Variants in GCDH observed in about 807,000 individuals in gnomAD.
The protein encoded by GCDH is glutaryl-CoA dehydrogenase, mitochondrial.
GCDH carries 31 observed loss-of-function variants against 52.8 expected under a neutral mutation model. The ratio of observed to expected loss-of-function variants is 0.59; its 90% CI spans 0.44 to 0.79. The LOEUF is 0.79. Among genes scored for constraint, GCDH ranks in the 30% least tolerant of loss-of-function variants. The pLI is 0.00. For missense variants in GCDH, 509 were observed against 595.0 expected (o/e 0.86, Z 1.50); for synonymous variants, 242 against 250.0 (o/e 0.97, Z 0.30).
chr19:12,891,339 G>A lies in GCDH; in HGVS notation c.35G>A (p.Ser12Asn), dbSNP rs1351229254. 1 of 1,612,202 alleles carries A rather than the reference G, an allele frequency of 6.2e-7. No individual in the cohort carries two copies. The highest frequency in any genetic ancestry group is 1.1e-5 in the South Asian group (1 of 91,068). Residue 12 changes from serine to asparagine, a missense_variant, in exon 2 of 12, where the codon AGC becomes AAC. Coordinates refer to ENST00000222214, the MANE Select transcript of GCDH (RefSeq NM_000159.4). ...AGAGGCGTCTCCGTGCGGCTGCTGA[G>A]CCGCGGACCCGGCCTGCACGTCCTT... ...ALRGVSVRLL[S>N]RGPGLHVLRT...
chr19:12,892,525 C>T (rs1344233439), intron 5 of GCDH: 6 of 366,224 alleles, frequency 1.6e-5, no homozygotes, highest in Non-Finnish European at 3.1e-5. Context: ...CTCCTGACCT[C>T]AGGTGATCCG....
chr19:12,893,138 C>T (rs945503448), intron 5 of GCDH, among the ~76,000 whole-genome samples: 2 of 152,140 alleles, frequency 1.3e-5, no homozygotes, highest in Non-Finnish European at 1.5e-5. Context: ...CCACCCACCT[C>T]GGCCTCCCAA....
intron 11 of GCDH, chr19:12,898,284 C>T (rs1253103749): frequency 4.2e-6 from 1 of 236,688 alleles, no homozygotes; most frequent in Non-Finnish European, 8.5e-6. Flanking sequence ...GGTGTTTGCA[C>T]CCTGTAACTG....
chr19:12,899,317 A>G, intron 11 of GCDH, 151 bp from the exon 12 acceptor site: 2 of 1,601,126 alleles, frequency 1.2e-6, no homozygotes, highest in Non-Finnish European at 1.7e-6. Flanking sequence ...GACTGTCACT[A>G]AGGCGTGAGT....
rs759415410 is a variant in GCDH, at chr19:12,893,608, G to A, written c.460G>A (p.Ala154Thr). ...QSSLVMHPIY[A>T]YGSEEQRQKY... ...CTCCCTCGTCATGCACCCTATCTAT[G>A]CCTATGGCAGCGAGGAACAGCGGCA... The change falls in exon 6 of 12, where the codon GCC becomes ACC. Residue 154 changes from alanine to threonine, a missense_variant. Coordinates refer to ENST00000222214, the MANE Select transcript of GCDH (RefSeq NM_000159.4). The A allele has an allele frequency of 3.1e-6, 5 of 1,613,998 alleles. No individual in the cohort carries two copies. The African/African-American group carries it at 4.0e-5, about 13-fold the overall frequency.
At chr19:12,897,608 G>C (rs1202722791) in intron 10 of GCDH, 95 bp from the exon 11 acceptor site, 3 of 1,510,432 alleles carry the variant, frequency 2.0e-6, no homozygotes, top group South Asian at 2.3e-5. Context: ...TGGGAGCTTG[G>C]CTGCATCAGG....
intron 6 of GCDH, 133 bp downstream of exon 6, chr19:12,893,786 C>G: frequency 2.4e-6 from 2 of 823,090 alleles, no homozygotes; most frequent in Non-Finnish European, 4.1e-6. Flanking sequence ...GGACCCCCGC[C>G]AGACCCTGGG....
intron 2 of GCDH, 42 bp downstream of exon 2, chr19:12,891,437 C>T: frequency 6.2e-7 from 1 of 1,614,124 alleles, no homozygotes; most frequent in Non-Finnish European, 8.5e-7. Context: ...GAGGGAGGAA[C>T]TGGGGGTTTA....
intron 5 of GCDH, 71 bp from the exon 6 acceptor site, chr19:12,893,412 C>G (rs1393817014): frequency 7.3e-7 from 1 of 1,367,654 alleles, no homozygotes; most frequent in Non-Finnish European, 1.0e-6. Context: ...TTATTCAGCC[C>G]TGTCTCTTGG....
Position 12,899,975 on chromosome 19 carries a change from A to G in GCDH, c.*434A>G, listed in dbSNP as rs985626042. ...ATAAAGACCTGCACATCTGACCCCAAGGTGTCAGGCCGGTTTACTGGTAAC... is the reference window on the plus strand; with the variant it reads ...ATAAAGACCTGCACATCTGACCCCAGGGTGTCAGGCCGGTTTACTGGTAAC... On this transcript the variant is annotated 3_prime_UTR_variant, in exon 12 of 12. Transcript: ENST00000222214. 1 of 1,612,724 alleles carries G rather than the reference A, an allele frequency of 6.2e-7. No individual in the cohort carries two copies. Among genetic ancestry groups the G allele is most frequent in the South Asian group, 1.1e-5 (1 of 91,012 alleles).
In GCDH at chr19:12,896,195, C is replaced by G. The variant is rs1387206423; in HGVS notation, c.636-10C>G. On this transcript the variant is annotated splice_polypyrimidine_tract_variant and intron_variant, in intron 7 of 11. Transcript: ENST00000222214. The surrounding 1 kb of genome is among the most constrained non-coding windows in gnomAD (Gnocchi z 5.5). ...CTGGTCAGACCCCTCACCGACTGTT[C>G]CATCCCCAGGATCACGAACTCGCCT... 3 of 1,613,944 alleles carry G rather than the reference C, an allele frequency of 1.9e-6. No individual in the cohort carries two copies. The highest frequency in any genetic ancestry group is 2.7e-5 in the African/African-American group (2 of 74,890).
rs1247712895 is a variant in GCDH, at chr19:12,896,983, T to G, written c.926T>G (p.Leu309Trp). ...GTGCTTGGAGCTTCGGAGTTCTGCT[T>G]GCACACAGCCCGGCAGTACGCCCTC... ...WGVLGASEFC[L>W]HTARQYALDR... The change falls in exon 9 of 12, where the codon TTG becomes TGG. Residue 309 changes from leucine (L) to tryptophan (W), a missense_variant. Leu to Trp is a moderately conservative substitution (Grantham distance 61, BLOSUM62 -2). Coordinates refer to ENST00000222214, the MANE Select transcript of GCDH (RefSeq NM_000159.4). This position sits in a 1 kb window ranked among gnomAD's most constrained non-coding sequence, Gnocchi z 5.5. 11 of 1,612,920 alleles carry G rather than the reference T, an allele frequency of 6.8e-6. No homozygotes were observed. The highest frequency in any genetic ancestry group is 9.3e-6 in the Non-Finnish European group (11 of 1,179,894).
intron 5 of GCDH, among the ~76,000 whole-genome samples, chr19:12,893,068 G>A (rs1158865488): frequency 1.3e-5 from 2 of 151,366 alleles, no homozygotes; most frequent in Non-Finnish European, 2.9e-5. Flanking sequence ...GTATTTTTTA[G>A]TAGAAATGGG....
At chr19:12,892,023 T>C (rs750873828) in intron 4 of GCDH, 49 bp downstream of exon 4, 8 of 1,613,986 alleles carry the variant, frequency 5.0e-6, no homozygotes, top group Non-Finnish European at 6.8e-6. Flanking sequence ...CCTGGAGCCA[T>C]AGCCACCCCA....
chr19:12,893,836 C>A, intron 6 of GCDH, 183 bp downstream of exon 6: 2 of 674,806 alleles, frequency 3.0e-6, no homozygotes, highest in South Asian at 1.6e-5. Flanking sequence ...CCTGACTGTC[C>A]CCCTCTGTGA....
At chr19:12,892,313 A>G in intron 5 of GCDH, 135 bp downstream of exon 5, 1 of 816,186 alleles carries the variant, frequency 1.2e-6, no homozygotes, top group South Asian at 1.5e-5. Context: ...TTCCCCCCCA[A>G]CAGAGTCTGG....
At position 12,896,101 on chromosome 19, in the gene GCDH, C is replaced by T. The variant is rs754138277; in HGVS notation, c.615C>T (p.Thr205=). 6.2e-7 allele frequency: 1 copy of T among 1,613,954 alleles called. No individual in the cohort carries two copies. Among genetic ancestry groups the T allele is most frequent in the Non-Finnish European group, 8.5e-7 (1 of 1,180,006 alleles). Residue 205 remains threonine (T), a synonymous_variant, in exon 7 of 12, where the codon ACC becomes ACT. Coordinates refer to ENST00000222214, the MANE Select transcript of GCDH (RefSeq NM_000159.4). This position sits in a 1 kb window ranked among gnomAD's most constrained non-coding sequence, Gnocchi z 5.5. ...ACAACTCATCCAACAAGAGCTACAC[C>T]CTCAATGGGACCAAGACCTGGTAAG... The part of the protein sequence containing the change: ...AHYNSSNKSY[T]LNGTKTWITN...
chr19:12,894,328 G>A (rs563714269), intron 6 of GCDH: 3 of 785,168 alleles, frequency 3.8e-6, no homozygotes, highest in African/African-American at 1.7e-5. Context: ...CTTGAAACAG[G>A]GTGTCTTGAC....
chr19:12,895,985 C>T lies in GCDH; in HGVS notation c.506-7C>T. 1 of 1,613,850 alleles carries T rather than the reference C, an allele frequency of 6.2e-7. No individual in the cohort carries two copies. The highest frequency in any genetic ancestry group is 8.5e-7 in the Non-Finnish European group (1 of 1,179,970). On this transcript the variant is annotated splice_region_variant and splice_polypyrimidine_tract_variant and intron_variant, in intron 6 of 11. Coordinates refer to ENST00000222214, the MANE Select transcript of GCDH (RefSeq NM_000159.4). ...GGCAGCCTTGTGACTTTGTCTTGTGCCTGCAGCCAAGGGGGAGCTCCTGGG... is the reference window on the plus strand; with the variant it reads ...GGCAGCCTTGTGACTTTGTCTTGTGTCTGCAGCCAAGGGGGAGCTCCTGGG...
Sources: gnomAD v4.1 joint callset for allele counts (sites outside exome capture counted in the v4.1 genomes callset) on GRCh38, gnomAD v4.1.1 for gene constraint, Gnocchi (gnomAD v3.1) non-coding constraint, MANE v1.5 for transcripts, NCBI Gene and HGNC (gene_info 2026-07-23, HGNC 2026-07-21) for gene names.